Variants in HORMAD2 observed in about 807,000 individuals in gnomAD.
HORMAD2 encodes the protein HORMA domain containing 2.
Under a neutral mutation model 38.8 loss-of-function variants are expected in HORMAD2, and 45 were observed. The observed-to-expected ratio is 1.16, with a 90% confidence interval of 0.91 to 1.49. The LOEUF (loss-of-function observed/expected upper bound fraction) is 1.49. Ranked by LOEUF, HORMAD2 falls within the 40% of genes most tolerant of loss-of-function variation. The probability of loss-of-function intolerance (pLI) is 0.00; values close to 1 mark genes in which losing one functional copy is unlikely to be tolerated. For synonymous variants in HORMAD2, 126 were observed against 122.8 expected, an observed-to-expected ratio of 1.03 and a Z score of -0.17; for missense variants, 338 against 367.0, an observed-to-expected ratio of 0.92 and a Z score of 0.65.
In HORMAD2 at chr22:30,104,419, T is replaced by A; in HGVS notation, c.276T>A (p.Asp92Glu). 1 of 1,611,584 alleles carries A rather than the reference T, an allele frequency of 6.2e-7. No homozygotes were observed. The change falls in exon 5 of 11, where the codon GAT becomes GAA. Residue 92 changes from aspartate to glutamate, a missense_variant. By Grantham distance (45) the Asp-to-Glu change is conservative. Transcript: ENST00000336726. ...TTGACAGGATTCAAGGTTGTTTTGA[T>A]GCTTTGGAAAAGAGATACGTAAGAA... ...HIIRWIQGCF[D>E]ALEKRYLRMA...
chr22:30,083,934 C>A (rs1278749732), intron 1 of HORMAD2, among the ~76,000 whole-genome samples: 1 of 152,160 alleles, frequency 6.6e-6, no homozygotes, highest in Non-Finnish European at 1.5e-5. Context: ...CCTGGTAGTA[C>A]ATCATATTAG....
intron 7 of HORMAD2, among the ~76,000 whole-genome samples, chr22:30,113,698 CT>C (rs1322845835): frequency 6.6e-6 from 1 of 152,140 alleles, no homozygotes. Flanking sequence ...GCTTTCTTTC[CT>C]TTTTCTTTAC....
chr22:30,178,430 C>A (rs149260253), downstream of HORMAD2, among the ~76,000 whole-genome samples: 1 of 152,292 alleles, frequency 6.6e-6, no homozygotes, highest in Non-Finnish European at 1.5e-5. Context: ...TGGCTGGGCA[C>A]ACACGGAAGG....
intron 10 of HORMAD2, among the ~76,000 whole-genome samples, chr22:30,150,236 G>GTT (rs1924665875): frequency 6.6e-6 from 1 of 152,030 alleles, no homozygotes; most frequent in South Asian, 2.1e-4. Flanking sequence ...TTTTCCATAT[G>GTT]TTTATGCCTT....
At chr22:30,178,343 A>G (rs895790320), downstream of HORMAD2, among the ~76,000 whole-genome samples, 1 of 152,188 alleles carries the variant, frequency 6.6e-6, no homozygotes, top group Admixed American at 6.5e-5. Flanking sequence ...AGTCTTTATC[A>G]CTGCCAGTAG....
At chr22:30,085,427 A>G (rs1779737158) in intron 1 of HORMAD2, among the ~76,000 whole-genome samples, 1 of 152,156 alleles carries the variant, frequency 6.6e-6, no homozygotes. Context: ...AATTTTGTGA[A>G]TATACTAAAA....
intron 6 of HORMAD2, 99 bp downstream of exon 6, chr22:30,111,915 C>A: frequency 3.0e-6 from 2 of 664,908 alleles, no homozygotes; most frequent in Non-Finnish European, 2.3e-6. Flanking sequence ...TCCTCCCTGA[C>A]TTTTTTTTTT....
At chr22:30,136,421 C>T (rs1401118567) in intron 10 of HORMAD2, among the ~76,000 whole-genome samples, 1 of 152,036 alleles carries the variant, frequency 6.6e-6, no homozygotes, top group African/African-American at 2.4e-5. Flanking sequence ...ATTTTCATCA[C>T]CTGAAAAAAA....
At chr22:30,132,186 C>G (rs893253565) in intron 10 of HORMAD2, among the ~76,000 whole-genome samples, 1 of 152,142 alleles carries the variant, frequency 6.6e-6, no homozygotes, top group Admixed American at 6.5e-5. Context: ...TTTGATACAA[C>G]ATAGTGTTGG....
intron 1 of HORMAD2, among the ~76,000 whole-genome samples, chr22:30,093,616 A>C (rs2068730255): frequency 6.6e-6 from 1 of 152,156 alleles, no homozygotes; most frequent in Non-Finnish European, 1.5e-5. Context: ...GTCAAATTTT[A>C]ATTATATAGT....
the HORMAD2 span, among the ~76,000 whole-genome samples, chr22:30,200,075 C>T: frequency 1.3e-5 from 2 of 152,218 alleles, no homozygotes; most frequent in South Asian, 2.1e-4. Flanking sequence ...TGCTACCACG[C>T]CTGGCTAATT....
At chr22:30,143,378 TTTTG>T (rs1924208447) in intron 10 of HORMAD2, among the ~76,000 whole-genome samples, 1 of 152,184 alleles carries the variant, frequency 6.6e-6, no homozygotes, top group African/African-American at 2.4e-5. Flanking sequence ...TTCTCTCAGT[TTTTG>T]TTTATCTGGA....
chr22:30,174,099 G>A (rs1373985973), intron 10 of HORMAD2, among the ~76,000 whole-genome samples: 1 of 152,100 alleles, frequency 6.6e-6, no homozygotes, highest in Non-Finnish European at 1.5e-5. Flanking sequence ...GGCTCTATTG[G>A]TAAACAGATC....
At chr22:30,207,121 G>A in the HORMAD2 span, 1 of 470,364 alleles carries the variant, frequency 2.1e-6, no homozygotes, top group African/African-American at 2.0e-5. Flanking sequence ...TCAGGAGGCG[G>A]GAATGCAGAG....
chr22:30,130,981 T>C (rs935133499), intron 10 of HORMAD2, among the ~76,000 whole-genome samples: 3 of 152,020 alleles, frequency 2.0e-5, no homozygotes, highest in Admixed American at 2.0e-4. Flanking sequence ...CACATAACCC[T>C]GGGAAGTTGT....
intron 10 of HORMAD2, among the ~76,000 whole-genome samples, chr22:30,156,729 T>A (rs1411968588): frequency 6.6e-6 from 1 of 152,250 alleles, no homozygotes; most frequent in African/African-American, 2.4e-5. Flanking sequence ...TGATTGTCCC[T>A]TGAAACTTTA....
chr22:30,175,043 G>T lies in HORMAD2; in HGVS notation c.820-1020G>T, dbSNP rs573234985. ...AATTAGTACTTAAGTTAGCCATTTT[G>T]ATACACAATCTTTGTTCCTAAATGA... On this transcript the variant is annotated intron_variant, in intron 10 of 10. Coordinates refer to ENST00000336726, the MANE Select transcript of HORMAD2 (RefSeq NM_152510.4). 2.4e-4 allele frequency among the ~76,000 whole-genome samples: 36 copies of T among 151,488 alleles called. No homozygotes were observed. The South Asian group carries it at 7.3e-3, about 31-fold the overall frequency.
chr22:30,182,729 C>A, the HORMAD2 span, among the ~76,000 whole-genome samples: 1 of 152,080 alleles, frequency 6.6e-6, no homozygotes, highest in South Asian at 2.1e-4. Context: ...AGTTTGAGAC[C>A]AGCCTGGGTA....
intron 10 of HORMAD2, among the ~76,000 whole-genome samples, chr22:30,129,669 A>G (rs1340313994): frequency 1.3e-5 from 2 of 152,016 alleles, no homozygotes; most frequent in Admixed American, 6.6e-5. Context: ...AGTTTCATTA[A>G]GTTGGTGATT....
Sources: allele counts gnomAD v4.1 joint callset (sites outside exome capture counted in the v4.1 genomes callset), GRCh38; gene constraint gnomAD v4.1.1; transcripts MANE v1.5; gene names NCBI Gene and HGNC (gene_info 2026-07-23, HGNC 2026-07-21).